NRXN3: variants seen among roughly 807,000 people sequenced by gnomAD.
The protein encoded by NRXN3 is neurexin III.
In NRXN3, 32 loss-of-function variants were observed where a neutral mutation model predicts 137.6. The observed-to-expected ratio is 0.23, with a 90% confidence interval of 0.18 to 0.31. The LOEUF is 0.31. Ranked by LOEUF, NRXN3 falls within the 10% of genes least tolerant of loss-of-function variation. The pLI, the probability that NRXN3 is intolerant of heterozygous loss-of-function variation, is 1.00. For missense variants in NRXN3, 1,574 were observed against 2,062.5 expected (o/e 0.76, Z 4.59); for synonymous variants, 798 against 784.5 (o/e 1.02, Z -0.29).
chr14:79,767,776 G>T (rs1472101960), intron 19 of NRXN3, among the ~76,000 whole-genome samples: 1 of 152,222 alleles, frequency 6.6e-6, no homozygotes, highest in Non-Finnish European at 1.5e-5. Context: ...GAGCCAAGAT[G>T]GCTGAACAGG....
At chr14:78,401,457 G>T (rs796614642) in intron 4 of NRXN3, among the ~76,000 whole-genome samples, 1 of 152,058 alleles carries the variant, frequency 6.6e-6, no homozygotes, top group Admixed American at 6.6e-5. Flanking sequence ...GAGCCACCAC[G>T]TCTGGCCCAA....
intron 16 of NRXN3, among the ~76,000 whole-genome samples, chr14:79,505,605 T>G (rs187497157): frequency 5.4e-4 from 82 of 152,358 alleles, no homozygotes; most frequent in Admixed American, 8.5e-4. Context: ...ATGGTTATAC[T>G]GGAGAACTAG....
At chr14:78,927,659 T>A (rs1172350346) in intron 10 of NRXN3, among the ~76,000 whole-genome samples, 1 of 152,180 alleles carries the variant, frequency 6.6e-6, no homozygotes, top group Non-Finnish European at 1.5e-5. Flanking sequence ...TTTAAGCTTT[T>A]TGTGCCTCAT....
intron 14 of NRXN3, among the ~76,000 whole-genome samples, chr14:78,981,273 G>A (rs938587835): frequency 2.0e-5 from 3 of 152,102 alleles, no homozygotes; most frequent in South Asian, 4.1e-4. Context: ...ACATCAAGAC[G>A]TCATCTTTTC....
chr14:79,226,960 A>G (rs1224413149), intron 15 of NRXN3, among the ~76,000 whole-genome samples: 1 of 151,562 alleles, frequency 6.6e-6, no homozygotes, highest in Non-Finnish European at 1.5e-5. Flanking sequence ...AGCTAGGATT[A>G]CAGGCATGCA....
chr14:79,755,263 T>C (rs2099015393), intron 19 of NRXN3, among the ~76,000 whole-genome samples: 1 of 152,208 alleles, frequency 6.6e-6, no homozygotes, highest in African/African-American at 2.4e-5. Context: ...TAAATGCCTG[T>C]TATACTATGT....
At chr14:78,469,485 A>G (rs1422464884) in intron 4 of NRXN3, among the ~76,000 whole-genome samples, 2 of 152,198 alleles carry the variant, frequency 1.3e-5, no homozygotes, top group Non-Finnish European at 2.9e-5. Flanking sequence ...AGCCATGGCA[A>G]AGGGGCACTA....
chr14:78,622,769 A>G (rs755275002), intron 4 of NRXN3, among the ~76,000 whole-genome samples: 10 of 152,248 alleles, frequency 6.6e-5, no homozygotes, highest in Admixed American at 2.0e-4. Context: ...TGTGGGAGAA[A>G]CATTCTGGAT....
At position 79,274,942 on chromosome 14, in the gene NRXN3, A is replaced by G. The variant is rs114421896; in HGVS notation, c.3263-192279A>G. Among the ~76,000 whole-genome samples, 1,193 of 152,310 alleles carry G rather than the reference A, an allele frequency of 7.8e-3. 17 individuals carry two copies. Among genetic ancestry groups the G allele is most frequent in the Middle Eastern group, 0.037 (11 of 294 alleles). On this transcript the variant is annotated intron_variant, in intron 15 of 20. Coordinates refer to ENST00000335750, the MANE Select transcript of NRXN3 (RefSeq NM_001330195.2). The stretch of plus-strand genomic sequence containing the variant: ...AACTATACATTTATACAAGGATGCC[A>G]TTGTCTTTTTTTAAGCAAATACTTG...
chr14:79,581,685 A>T (rs1207153261), intron 16 of NRXN3, among the ~76,000 whole-genome samples: 1 of 152,192 alleles, frequency 6.6e-6, no homozygotes, highest in East Asian at 1.9e-4. Context: ...CTTACTTTAA[A>T]TTCTGAAAAC....
intron 4 of NRXN3, among the ~76,000 whole-genome samples, chr14:78,538,584 G>T (rs1205979493): frequency 1.3e-5 from 2 of 152,118 alleles, no homozygotes; most frequent in African/African-American, 2.4e-5. Flanking sequence ...CTTCCTCATT[G>T]TGTAATTGAA....
intron 15 of NRXN3, among the ~76,000 whole-genome samples, chr14:79,378,416 T>C (rs2094368470): frequency 6.6e-6 from 1 of 152,188 alleles, no homozygotes; most frequent in African/African-American, 2.4e-5. Flanking sequence ...TGGTTAAAAC[T>C]GAGTGTCAGA....
chr14:79,719,251 A>G (rs60110756), intron 19 of NRXN3, among the ~76,000 whole-genome samples: 5,005 of 148,990 alleles, frequency 0.034, 259 homozygotes, highest in African/African-American at 0.12. Flanking sequence ...ATAGACATAT[A>G]TGTGTGTGTG....
At chr14:79,504,655 G>A (rs2043587) in intron 16 of NRXN3, among the ~76,000 whole-genome samples, 26,561 of 97,876 alleles carry the variant, frequency 0.27, 4,014 homozygotes, top group African/African-American at 0.39. Context: ...ATATATATAT[G>A]TATATATATA....
At chr14:79,398,733 G>A (rs954148172) in intron 15 of NRXN3, among the ~76,000 whole-genome samples, 3 of 152,086 alleles carry the variant, frequency 2.0e-5, no homozygotes, top group Non-Finnish European at 4.4e-5. Flanking sequence ...GAGTTGGCTG[G>A]GCGTGGTTGT....
chr14:78,490,780 A>C (rs1225550231), intron 4 of NRXN3, among the ~76,000 whole-genome samples: 2 of 152,124 alleles, frequency 1.3e-5, no homozygotes, highest in Non-Finnish European at 2.9e-5. Context: ...TAAGGTGGGT[A>C]CTGTTATTAT....
intron 20 of NRXN3, among the ~76,000 whole-genome samples, chr14:79,822,741 AT>A (rs1246593073): frequency 1.3e-5 from 2 of 151,534 alleles, no homozygotes; most frequent in African/African-American, 4.8e-5. Flanking sequence ...CGTCACTTAG[AT>A]AACAAGCATT....
At chr14:78,402,656 C>T (rs2153656065) in intron 4 of NRXN3, among the ~76,000 whole-genome samples, 1 of 152,264 alleles carries the variant, frequency 6.6e-6, no homozygotes. Flanking sequence ...CAGTTGAAGT[C>T]ATTTGTTCTG....
At chr14:78,980,734 T>C (rs149575598) in intron 14 of NRXN3, among the ~76,000 whole-genome samples, 175 of 152,290 alleles carry the variant, frequency 1.1e-3, no homozygotes, top group Admixed American at 1.9e-3. Context: ...TGCAATTTCA[T>C]GTTTTCCAGC....
Sources: allele counts gnomAD v4.1 joint callset (sites outside exome capture counted in the v4.1 genomes callset), GRCh38; gene constraint gnomAD v4.1.1; transcripts MANE v1.5; gene names NCBI Gene and HGNC (gene_info 2026-07-23, HGNC 2026-07-21).